Variants in KIF5C observed in about 807,000 individuals in gnomAD.
The protein encoded by KIF5C is kinesin heavy chain isoform 5C.
Under a neutral mutation model 125.2 loss-of-function variants are expected in KIF5C, and 18 were observed. That is an observed-to-expected ratio of 0.14 (90% CI 0.10 to 0.21). The LOEUF is 0.21. KIF5C is among the 10% of genes least tolerant of loss of function. The pLI is 1.00. For synonymous variants in KIF5C, 405 were observed against 434.0 expected (o/e 0.93, Z 0.83); for missense variants, 780 against 1,183.8 (o/e 0.66, Z 5.01).
intron 11 of KIF5C, among the ~76,000 whole-genome samples, chr2:148,968,515 A>T (rs1680808596): frequency 6.6e-6 from 1 of 152,116 alleles, no homozygotes; most frequent in Non-Finnish European, 1.5e-5. Context: ...GGAGCGATCT[A>T]ATTTACTAGG....
chr2:149,006,041 T>C (rs1322687746), intron 22 of KIF5C, among the ~76,000 whole-genome samples: 2 of 152,188 alleles, frequency 1.3e-5, no homozygotes, highest in East Asian at 3.9e-4. Flanking sequence ...AACCCAGGCC[T>C]GCGGGGTCTC....
intron 1 of KIF5C, chr2:148,879,894 C>T (rs1161707213): frequency 6.6e-6 from 1 of 152,142 alleles, no homozygotes; most frequent in African/African-American, 2.4e-5. Context: ...ACATCAGCCA[C>T]AAACCCTAAG....
At chr2:148,944,060 G>A (rs1455895789) in intron 7 of KIF5C, among the ~76,000 whole-genome samples, 2 of 151,880 alleles carry the variant, frequency 1.3e-5, no homozygotes, top group Non-Finnish European at 2.9e-5. Context: ...ATTATTTATG[G>A]CATACCTGAT....
chr2:148,954,921 TG>T (rs1165229197), intron 10 of KIF5C, among the ~76,000 whole-genome samples: 2 of 152,148 alleles, frequency 1.3e-5, no homozygotes, highest in Non-Finnish European at 2.9e-5. Flanking sequence ...TCATTCCTGT[TG>T]GGGGGCCTGT....
intron 3 of KIF5C, among the ~76,000 whole-genome samples, chr2:148,934,593 A>G (rs1682252701): frequency 6.6e-6 from 1 of 151,024 alleles, no homozygotes; most frequent in Non-Finnish European, 1.5e-5. Context: ...CATCATACAG[A>G]CACAGACACC....
chr2:148,883,766 A>G (rs1278975931), intron 1 of KIF5C: 4 of 152,008 alleles, frequency 2.6e-5, no homozygotes, highest in Admixed American at 1.3e-4. Flanking sequence ...TTTATTTCCT[A>G]CTGATGGACC....
intron 21 of KIF5C, among the ~76,000 whole-genome samples, chr2:149,001,001 G>A (rs995992824): frequency 2.6e-5 from 4 of 151,986 alleles, no homozygotes; most frequent in Non-Finnish European, 4.4e-5. Flanking sequence ...TGGAGCCCCT[G>A]AGTGAGGATT....
chr2:148,911,149 T>C (rs979442957), intron 1 of KIF5C, among the ~76,000 whole-genome samples: 1 of 152,188 alleles, frequency 6.6e-6, no homozygotes, highest in African/African-American at 2.4e-5. Context: ...GCCTACAGCA[T>C]GTGGCTAAAA....
intron 8 of KIF5C, chr2:148,948,067 G>T (rs1030182867): frequency 8.8e-6 from 4 of 454,092 alleles, no homozygotes; most frequent in Non-Finnish European, 1.8e-5. Flanking sequence ...CTAGTATGGG[G>T]CCGGGTGCAG....
chr2:148,954,227 G>A (rs1460163988), intron 10 of KIF5C, among the ~76,000 whole-genome samples: 6 of 152,072 alleles, frequency 3.9e-5, no homozygotes, highest in Admixed American at 6.6e-5. Flanking sequence ...GCCCAGCATC[G>A]TGCCATTAAA....
At chr2:148,878,671 A>G (rs1200601180) in intron 1 of KIF5C, 3 of 152,226 alleles carry the variant, frequency 2.0e-5, no homozygotes, top group Non-Finnish European at 4.4e-5. Flanking sequence ...ATCATGCCAT[A>G]TGCAATGAGT....
At chr2:148,979,140 T>G (rs1020744188) in intron 13 of KIF5C, 150 bp downstream of exon 13, 3 of 1,088,572 alleles carry the variant, frequency 2.8e-6, no homozygotes, top group Non-Finnish European at 3.7e-6. Flanking sequence ...TCACTGCCTC[T>G]TACAAGCTGA....
intron 11 of KIF5C, among the ~76,000 whole-genome samples, chr2:148,967,926 C>G (rs749879182): frequency 6.6e-6 from 1 of 152,152 alleles, no homozygotes; most frequent in South Asian, 2.1e-4. Context: ...CTAACCTCCT[C>G]CCAATCCATC....
At chr2:148,910,072 AT>A (rs1681271447) in intron 1 of KIF5C, among the ~76,000 whole-genome samples, 1 of 152,242 alleles carries the variant, frequency 6.6e-6, no homozygotes, top group Non-Finnish European at 1.5e-5. Flanking sequence ...AAAATGTGAC[AT>A]GAAAAATCCA....
intron 20 of KIF5C, 75 bp downstream of exon 20, chr2:149,000,599 A>G (rs1215658420): frequency 1.3e-6 from 2 of 1,566,954 alleles, no homozygotes; most frequent in Non-Finnish European, 1.7e-6. Context: ...CTAATTTAAA[A>G]ACAGACAATG....
intron 1 of KIF5C, among the ~76,000 whole-genome samples, chr2:148,911,341 C>G (rs938353227): frequency 6.6e-6 from 1 of 152,136 alleles, no homozygotes; most frequent in Non-Finnish European, 1.5e-5. Context: ...GGAAGCTGAG[C>G]CAGAGAATGC....
chr2:148,992,280 T>A (rs1574820080), intron 16 of KIF5C, among the ~76,000 whole-genome samples: 1 of 152,220 alleles, frequency 6.6e-6, no homozygotes, highest in South Asian at 2.1e-4. Context: ...ATTGATATAT[T>A]CATACATTGT....
chr2:148,917,342 C>T (rs1471055102), intron 1 of KIF5C, among the ~76,000 whole-genome samples: 2 of 152,150 alleles, frequency 1.3e-5, no homozygotes, highest in African/African-American at 2.4e-5. Flanking sequence ...GCGGATGTCT[C>T]CTGCTTTTCT....
intron 25 of KIF5C, among the ~76,000 whole-genome samples, chr2:149,015,382 G>T (rs1439283486): frequency 6.6e-6 from 1 of 152,184 alleles, no homozygotes; most frequent in Non-Finnish European, 1.5e-5. Context: ...TGAGAGCAAA[G>T]CCTTTTTGAG....
Sources: allele counts gnomAD v4.1 joint callset (sites outside exome capture counted in the v4.1 genomes callset), GRCh38; gene constraint gnomAD v4.1.1; transcripts MANE v1.5; gene names NCBI Gene and HGNC (gene_info 2026-07-23, HGNC 2026-07-21).